The following KIFC3 variants were observed in gnomAD, a reference collection of about 807,000 sequenced individuals.
KIFC3 encodes the protein kinesin-like protein KIFC3.
A neutral mutation model predicts 101.8 loss-of-function variants in KIFC3; 60 were observed. That is an observed-to-expected ratio of 0.59 (90% CI 0.48 to 0.73). The LOEUF (loss-of-function observed/expected upper bound fraction) is 0.73, where lower values mean the gene tolerates loss of function less well. KIFC3 is among the 30% of genes least tolerant of loss of function. The pLI is 0.00. For missense variants in KIFC3, 966 were observed against 1,137.1 expected (o/e 0.85, Z 2.16); for synonymous variants, 476 against 482.7 (o/e 0.99, Z 0.18).
intron 1 of KIFC3, among the ~76,000 whole-genome samples, chr16:57,849,507 A>C (rs2056003401): frequency 6.6e-6 from 1 of 152,172 alleles, no homozygotes; most frequent in South Asian, 2.1e-4. Context: ...TCTGAAAGTC[A>C]ATATAGTCTT....
chr16:57,860,602 A>T (rs1226091241), intron 1 of KIFC3, among the ~76,000 whole-genome samples: 1 of 152,222 alleles, frequency 6.6e-6, no homozygotes, highest in African/African-American at 2.4e-5. Flanking sequence ...TTGGGAAAGA[A>T]TTCAGGGCAA....
chr16:57,765,189 A>G (rs2050344001), intron 11 of KIFC3, among the ~76,000 whole-genome samples: 1 of 151,446 alleles, frequency 6.6e-6, no homozygotes, highest in African/African-American at 2.4e-5. Flanking sequence ...CACACGGTAG[A>G]AGGGGCCTTG....
At chr16:57,764,469 G>A (rs2050224428) in intron 11 of KIFC3, 3 of 544,582 alleles carry the variant, frequency 5.5e-6, no homozygotes, top group Non-Finnish European at 6.6e-6. Context: ...ACAGGCCAGT[G>A]CCTGCTGCCC....
intron 1 of KIFC3, among the ~76,000 whole-genome samples, chr16:57,823,874 G>A (rs895006893): frequency 2.0e-5 from 3 of 151,752 alleles, no homozygotes; most frequent in South Asian, 2.1e-4. Flanking sequence ...TGATCTGCCC[G>A]CCTGGGCCTT....
chr16:57,775,198 C>G (rs782104393), intron 3 of KIFC3: 2 of 1,334,656 alleles, frequency 1.5e-6, no homozygotes, highest in African/African-American at 1.5e-5. Flanking sequence ...TGGCCGCAAC[C>G]GCAACCAGGG....
intron 1 of KIFC3, among the ~76,000 whole-genome samples, chr16:57,809,609 C>G (rs782173562): frequency 6.6e-6 from 1 of 152,200 alleles, no homozygotes; most frequent in Non-Finnish European, 1.5e-5. Context: ...CCACACAGCC[C>G]GTTCATTCCC....
Position 57,770,724 on chromosome 16 carries a change from A to G in KIFC3, c.766-24T>C, listed in dbSNP as rs781795547. On this transcript the variant is annotated intron_variant, in intron 6 of 19. Coordinates refer to ENST00000445690, the MANE Select transcript of KIFC3 (RefSeq NM_001130100.2). ...TACTGCAGGGTGAGGGAGGAATGGCACGTGGAGCCAGCGGGCACCGTACCT... is the reference window on the plus strand; with the variant it reads ...TACTGCAGGGTGAGGGAGGAATGGCGCGTGGAGCCAGCGGGCACCGTACCT... 26 of 1,420,146 alleles carry G rather than the reference A, an allele frequency of 1.8e-5. No homozygotes were observed. In the East Asian group the frequency reaches 4.7e-4, roughly 26 times the overall value. 88.0% of individuals were successfully genotyped at this position (1,420,146 alleles called of 1,614,324 possible). A position where few individuals can be genotyped will look rare whatever the true frequency, so the allele number is the denominator to read the frequency against.
intron 12 of KIFC3, 25 bp from the exon 13 acceptor site, chr16:57,762,295 G>A: frequency 6.6e-7 from 1 of 1,519,706 alleles, no homozygotes; most frequent in Non-Finnish European, 8.9e-7. Context: ...AAAGGCCCCA[G>A]TAAGCCAGGC....
chr16:57,765,197 T>G (rs2050347082), intron 11 of KIFC3, among the ~76,000 whole-genome samples: 1 of 151,802 alleles, frequency 6.6e-6, no homozygotes, highest in Admixed American at 6.6e-5. Flanking sequence ...AGAAGGGGCC[T>G]TGGGGACGGG....
At chr16:57,773,091 C>T (rs541537159) in intron 3 of KIFC3, among the ~76,000 whole-genome samples, 76 of 152,336 alleles carry the variant, frequency 5.0e-4, no homozygotes, top group African/African-American at 1.7e-3. Flanking sequence ...CCCCAGAAAC[C>T]TCTCTCAGGA....
Position 57,771,813 on chromosome 16 carries a change from GAGAAAA to G in KIFC3, c.382-133_382-128del, listed in dbSNP as rs566572996. On this transcript the variant is annotated intron_variant, in intron 4 of 19. Transcript: ENST00000445690. ...AGGTGTGGAGAAAGGCAGAGGGAAGGAGAAAAAGAAAAAGAAAAAGGCAAGGGCAAG... is the reference window on the plus strand; with the variant it reads ...AGGTGTGGAGAAAGGCAGAGGGAAGGAGAAAAAGAAAAAGGCAAGGGCAAG... 582 of 1,216,234 alleles carry G rather than the reference GAGAAAA, an allele frequency of 4.8e-4. 1 individual carries two copies. In the African/African-American group the frequency reaches 5.5e-3, roughly 11 times the overall value. 75.3% of individuals were successfully genotyped at this position (1,216,234 alleles called of 1,614,324 possible). A position where few individuals can be genotyped will look rare whatever the true frequency, so the allele number is the denominator to read the frequency against.
chr16:57,843,365 G>A (rs1287267242), intron 1 of KIFC3, among the ~76,000 whole-genome samples: 7 of 152,228 alleles, frequency 4.6e-5, no homozygotes, highest in African/African-American at 1.7e-4. Flanking sequence ...GCCTTGGACC[G>A]CACACTTCAC....
intron 1 of KIFC3, among the ~76,000 whole-genome samples, chr16:57,829,460 G>A (rs572613208): frequency 8.9e-4 from 136 of 152,288 alleles, no homozygotes; most frequent in African/African-American, 3.0e-3. Flanking sequence ...TTGCTATGTT[G>A]CCCAGGCTGG....
At chr16:57,842,900 G>A (rs1337257719) in intron 1 of KIFC3, among the ~76,000 whole-genome samples, 1 of 152,120 alleles carries the variant, frequency 6.6e-6, no homozygotes, top group Non-Finnish European at 1.5e-5. Flanking sequence ...GGGAGGCCAG[G>A]GCAGGAAGAT....
intron 3 of KIFC3, chr16:57,779,374 C>T (rs567935410): frequency 1.3e-5 from 2 of 152,300 alleles, no homozygotes; most frequent in Non-Finnish European, 2.9e-5. Flanking sequence ...AGCAGTCAAA[C>T]CCACGGAGAC....
intron 13 of KIFC3, among the ~76,000 whole-genome samples, chr16:57,761,932 C>T (rs1033407606): frequency 8.6e-5 from 13 of 152,032 alleles, no homozygotes; most frequent in African/African-American, 2.2e-4. Context: ...TTCACCTTGA[C>T]GGCCTCATCT....
intron 1 of KIFC3, among the ~76,000 whole-genome samples, chr16:57,850,943 CTCCCTCCTTCCTTCCTTCCTTCCT>C (rs538232447): frequency 0.36 from 18,001 of 49,894 alleles, 1,518 homozygotes; most frequent in Non-Finnish European, 0.46. Context: ...CTTTCCTTCC[CTCCCTCCTTCCTTCCTTCCTTCCT>C]TCCTTCCTTC....
chr16:57,765,874 T>TG (rs1159709675), intron 10 of KIFC3: 2 of 456,764 alleles, frequency 4.4e-6, no homozygotes, highest in Non-Finnish European at 7.8e-6. Flanking sequence ...AGCTCTGCCT[T>TG]GGGGATGGGG....
upstream of KIFC3, chr16:57,802,575 C>T: frequency 1.0e-6 from 1 of 994,544 alleles, no homozygotes; most frequent in Non-Finnish European, 1.2e-6. The surrounding 1 kb of genome is among the most constrained non-coding windows in gnomAD (Gnocchi z 5.0). Context: ...CGGGGGGCGG[C>T]GGCGCGCGCC....
Sources: gnomAD v4.1 joint callset for allele counts (sites outside exome capture counted in the v4.1 genomes callset) on GRCh38, gnomAD v4.1.1 for gene constraint, Gnocchi (gnomAD v3.1) non-coding constraint, MANE v1.5 for transcripts, NCBI Gene and HGNC (gene_info 2026-07-23, HGNC 2026-07-21) for gene names.